The following ZNF804A variants were observed in gnomAD, a reference collection of about 807,000 sequenced individuals.
ZNF804A encodes the protein zinc finger protein 804A.
In ZNF804A, 2 loss-of-function variants were observed where a neutral mutation model predicts 16.5. That is an observed-to-expected ratio of 0.12 (90% CI 0.05 to 0.38). The LOEUF is 0.38. Among genes scored for constraint, ZNF804A ranks in the 10% least tolerant of loss-of-function variants. The pLI, the probability that ZNF804A is intolerant of heterozygous loss-of-function variation, is 0.99. For missense variants in ZNF804A, 1,473 were observed against 1,390.7 expected (o/e 1.06, Z -0.94); for synonymous variants, 534 against 489.6 (o/e 1.09, Z -1.20).
chr2:184,741,285 T>A (rs1693705056), intron 1 of ZNF804A, among the ~76,000 whole-genome samples: 1 of 152,180 alleles, frequency 6.6e-6, no homozygotes, highest in African/African-American at 2.4e-5. Flanking sequence ...TAATAAACAC[T>A]GAAGCTCTCA....
intron 2 of ZNF804A, among the ~76,000 whole-genome samples, chr2:184,895,693 C>T (rs1685053873): frequency 6.6e-6 from 1 of 152,228 alleles, no homozygotes; most frequent in Non-Finnish European, 1.5e-5. Context: ...CAATTCTCAA[C>T]TCTAGCAAAG....
chr2:184,915,181 G>T lies in ZNF804A; in HGVS notation c.256-18422G>T, dbSNP rs541565590. Among the ~76,000 whole-genome samples the T allele has an allele frequency of 1.7e-4, 26 of 151,976 alleles. No homozygotes were observed. The South Asian group carries it at 5.4e-3, about 32-fold the overall frequency. ...TTATTCCATATTTACTGTACAAAGA[G>T]AAATATAATTAACATCTTGTATATT... On this transcript the variant is annotated intron_variant, in intron 2 of 3. Coordinates refer to ENST00000302277, the MANE Select transcript of ZNF804A (RefSeq NM_194250.2).
intron 1 of ZNF804A, among the ~76,000 whole-genome samples, chr2:184,766,605 A>T (rs2105766238): frequency 6.6e-6 from 1 of 151,818 alleles, no homozygotes; most frequent in East Asian, 1.9e-4. Context: ...TGTCTTGTAA[A>T]AATAACTTAA....
intron 1 of ZNF804A, among the ~76,000 whole-genome samples, chr2:184,712,569 C>T (rs959229339): frequency 2.6e-5 from 4 of 151,670 alleles, no homozygotes; most frequent in Non-Finnish European, 4.4e-5. Flanking sequence ...GTCTATTTCT[C>T]TCTCTGTATT....
At chr2:184,706,679 G>A (rs550427437) in intron 1 of ZNF804A, among the ~76,000 whole-genome samples, 70 of 152,086 alleles carry the variant, frequency 4.6e-4, no homozygotes, top group Non-Finnish European at 8.4e-4. Context: ...TGACCATCAG[G>A]ATAGCTGTGG....
intron 1 of ZNF804A, among the ~76,000 whole-genome samples, chr2:184,857,325 T>C (rs1212280240): frequency 1.3e-5 from 2 of 152,164 alleles, no homozygotes; most frequent in Non-Finnish European, 2.9e-5. Context: ...TTTATACCAT[T>C]GTGATCAGAA....
chr2:184,830,254 T>A (rs1695242250), intron 1 of ZNF804A, among the ~76,000 whole-genome samples: 1 of 152,170 alleles, frequency 6.6e-6, no homozygotes. Context: ...TATTTACTCA[T>A]AAAATGCTAA....
At chr2:184,928,052 CT>C (rs1685636695) in intron 2 of ZNF804A, among the ~76,000 whole-genome samples, 1 of 151,976 alleles carries the variant, frequency 6.6e-6, no homozygotes, top group African/African-American at 2.4e-5. Flanking sequence ...GAGGAAGTCT[CT>C]CCCCATATCC....
intron 1 of ZNF804A, among the ~76,000 whole-genome samples, chr2:184,609,319 C>T (rs957070270): frequency 1.3e-5 from 2 of 152,186 alleles, no homozygotes; most frequent in African/African-American, 4.8e-5. Flanking sequence ...ACTGCTGTGA[C>T]ACTGAATTAT....
At chr2:184,693,450 C>T (rs968358022) in intron 1 of ZNF804A, among the ~76,000 whole-genome samples, 2 of 152,020 alleles carry the variant, frequency 1.3e-5, no homozygotes, top group African/African-American at 2.4e-5. Context: ...TTTTATAATC[C>T]GCAGCTCATA....
intron 2 of ZNF804A, among the ~76,000 whole-genome samples, chr2:184,898,515 G>A (rs1478840462): frequency 3.9e-5 from 6 of 152,024 alleles, no homozygotes; most frequent in Non-Finnish European, 8.8e-5. Flanking sequence ...ACGTGATAAA[G>A]CATTCCTGAA....
chr2:184,618,116 C>A (rs1256080121), intron 1 of ZNF804A, among the ~76,000 whole-genome samples: 1 of 151,958 alleles, frequency 6.6e-6, no homozygotes, highest in Non-Finnish European at 1.5e-5. Context: ...ATTCTCATAT[C>A]CTAGAAAATA....
At chr2:184,613,509 A>G (rs528643119) in intron 1 of ZNF804A, among the ~76,000 whole-genome samples, 13 of 152,370 alleles carry the variant, frequency 8.5e-5, no homozygotes, top group African/African-American at 2.9e-4. Flanking sequence ...CATGTTAGTA[A>G]GATTTGGCAA....
intron 1 of ZNF804A, among the ~76,000 whole-genome samples, chr2:184,833,233 G>A (rs1483147457): frequency 6.6e-6 from 1 of 151,920 alleles, no homozygotes; most frequent in African/African-American, 2.4e-5. Flanking sequence ...TGTGTTACAT[G>A]TTAGTCATTT....
chr2:184,684,531 G>A (rs1466733650), intron 1 of ZNF804A, among the ~76,000 whole-genome samples: 2 of 152,074 alleles, frequency 1.3e-5, no homozygotes, highest in Non-Finnish European at 2.9e-5. Context: ...TTGTATATTT[G>A]CATGCTGAAG....
At chr2:184,704,104 A>T (rs898519386) in intron 1 of ZNF804A, among the ~76,000 whole-genome samples, 3 of 151,902 alleles carry the variant, frequency 2.0e-5, no homozygotes, top group Non-Finnish European at 2.9e-5. Flanking sequence ...TATAGTAATG[A>T]TTGGTATTTA....
chr2:184,771,535 C>T (rs1481629553), intron 1 of ZNF804A, among the ~76,000 whole-genome samples: 1 of 151,490 alleles, frequency 6.6e-6, no homozygotes, highest in East Asian at 2.0e-4. Context: ...TCACTTGAGC[C>T]TAGGAGTTCA....
intron 1 of ZNF804A, among the ~76,000 whole-genome samples, chr2:184,809,226 C>A (rs1393066850): frequency 6.6e-6 from 1 of 151,348 alleles, no homozygotes; most frequent in Non-Finnish European, 1.5e-5. Flanking sequence ...GTTCTTTCTC[C>A]CAAATAGGTA....
chr2:184,831,057 T>A (rs911094688), intron 1 of ZNF804A, among the ~76,000 whole-genome samples: 2 of 152,114 alleles, frequency 1.3e-5, no homozygotes, highest in African/African-American at 4.8e-5. Context: ...AAAACACTGG[T>A]ATATTTCATA....
Sources: gnomAD v4.1 joint callset for allele counts (sites outside exome capture counted in the v4.1 genomes callset) on GRCh38, gnomAD v4.1.1 for gene constraint, MANE v1.5 for transcripts, NCBI Gene and HGNC (gene_info 2026-07-23, HGNC 2026-07-21) for gene names.